Variants in HDAC4 observed in about 807,000 individuals in gnomAD.
The protein encoded by HDAC4 is histone deacetylase 4, also known as histone deacetylase A.
Under a neutral mutation model 135.1 loss-of-function variants are expected in HDAC4, and 16 were observed. The observed-to-expected ratio is 0.12, with a 90% confidence interval of 0.08 to 0.18. The LOEUF is 0.18. HDAC4 is among the 10% of genes least tolerant of loss of function. HDAC4 has a pLI of 1.00. For missense variants in HDAC4, 1,143 were observed against 1,511.8 expected (o/e 0.76, Z 4.05); for synonymous variants, 685 against 653.4 (o/e 1.05, Z -0.74).
In HDAC4 at chr2:239,306,664, G is replaced by A. The variant is rs557234227; in HGVS notation, c.22+46014C>T. Among the ~76,000 whole-genome samples the A allele has an allele frequency of 6.6e-6, 1 of 152,276 alleles. No individual in the cohort carries two copies. Among genetic ancestry groups the A allele is most frequent in the East Asian group, 1.9e-4 (1 of 5,170 alleles). ...CCCTATATGCCCCCCACACTGCCCA[G>A]GTGATGGCAGAACCCAGGTCCTCGG... On this transcript the variant is annotated intron_variant, in intron 2 of 26. Coordinates refer to ENST00000543185, the MANE Select transcript of HDAC4 (RefSeq NM_001378414.1). This position sits in a 1 kb window ranked among gnomAD's most constrained non-coding sequence, Gnocchi z 4.5.
At chr2:239,393,118 C>T (rs1265085038) in intron 1 of HDAC4, among the ~76,000 whole-genome samples, 4 of 152,294 alleles carry the variant, frequency 2.6e-5, no homozygotes, top group East Asian at 3.9e-4. Context: ...CTGGGACCCC[C>T]GGCGTGTGAG....
intron 13 of HDAC4, 76 bp from the exon 14 acceptor site, chr2:239,111,788 C>T (rs1200165134): frequency 1.4e-5 from 19 of 1,369,026 alleles, no homozygotes; most frequent in African/African-American, 2.9e-5. Context: ...GGGTTGCCCT[C>T]TCTTGCAAGT....
rs115505739 is a variant in HDAC4, at chr2:239,082,399, G to T, written c.2533-178C>A. ...CGATTCTGGGGCTGTGTGGGTCAGG[G>T]CTACGTGGTGCAGGGTCGCAGGGGT... On this transcript the variant is annotated intron_variant, in intron 20 of 26. Transcript: ENST00000543185. Among the ~76,000 whole-genome samples, 1,207 of 152,346 alleles carry T rather than the reference G, an allele frequency of 7.9e-3. 13 individuals carry two copies. Among genetic ancestry groups the T allele is most frequent in the African/African-American group, 0.021 (886 of 41,584 alleles).
At position 239,112,826 on chromosome 2, in the gene HDAC4, A is replaced by G. The variant is rs116561597; in HGVS notation, c.1792-1114T>C. Among the ~76,000 whole-genome samples the G allele has an allele frequency of 5.8e-3, 883 of 152,260 alleles. 1 individual carries two copies. Among genetic ancestry groups the G allele is most frequent in the Non-Finnish European group, 8.7e-3 (589 of 68,010 alleles). On this transcript the variant is annotated intron_variant, in intron 13 of 26. Transcript: ENST00000543185. ...TGAACAAATCCTGTGAACATGGAAA[A>G]CCAGGTACCTACATCCCAGCTCCTG...
At chr2:239,212,860 G>T (rs2046417754) in intron 3 of HDAC4, among the ~76,000 whole-genome samples, 1 of 152,204 alleles carries the variant, frequency 6.6e-6, no homozygotes, top group African/African-American at 2.4e-5. Flanking sequence ...CAGTCAACAT[G>T]CCCCGCCCAG....
chr2:239,055,384 C>T (rs1208039989), intron 24 of HDAC4: 1 of 178,696 alleles, frequency 5.6e-6, no homozygotes, highest in South Asian at 1.1e-4. Flanking sequence ...AAGTCAATGA[C>T]AGGGCAACAG....
intron 1 of HDAC4, among the ~76,000 whole-genome samples, chr2:239,359,705 A>G (rs1693738836): frequency 6.6e-6 from 1 of 152,174 alleles, no homozygotes. Context: ...GTGAAGGCTC[A>G]CTGAGAGCCA....
rs547953329 is a variant in HDAC4, at chr2:239,060,922, C to T, written c.3003+5800G>A. 5.9e-5 allele frequency among the ~76,000 whole-genome samples: 9 copies of T among 152,340 alleles called. No homozygotes were observed. In the East Asian group the frequency reaches 1.5e-3, roughly 26 times the overall value. Reference sequence around the variant, plus strand: ...ACATCCCAACACCCAGGTAACAGGGCCCAGAGGGACGGCCCCGCTGTGTGT... The same window carrying T: ...ACATCCCAACACCCAGGTAACAGGGTCCAGAGGGACGGCCCCGCTGTGTGT... On this transcript the variant is annotated intron_variant, in intron 24 of 26. Transcript: ENST00000543185.
chr2:239,136,319 C>G (rs2040953909), intron 9 of HDAC4, among the ~76,000 whole-genome samples: 1 of 152,166 alleles, frequency 6.6e-6, no homozygotes, highest in African/African-American at 2.4e-5. Flanking sequence ...TGGCTTAGTT[C>G]ACTTAACATG....
At chr2:239,335,753 A>G (rs1246605350) in intron 2 of HDAC4, among the ~76,000 whole-genome samples, 1 of 152,238 alleles carries the variant, frequency 6.6e-6, no homozygotes, top group Admixed American at 6.5e-5. Flanking sequence ...TCTGGGAAAT[A>G]CAAATGAAAC....
intron 3 of HDAC4, among the ~76,000 whole-genome samples, chr2:239,211,808 T>C (rs1002103009): frequency 6.6e-6 from 1 of 152,166 alleles, no homozygotes; most frequent in African/African-American, 2.4e-5. Flanking sequence ...CTGCTATAAC[T>C]GATCATGCCT....
chr2:239,057,153 T>A (rs772518537), intron 24 of HDAC4, among the ~76,000 whole-genome samples: 1 of 152,232 alleles, frequency 6.6e-6, no homozygotes, highest in South Asian at 2.1e-4. Context: ...ATGTTCACAG[T>A]AGAAGACGTT....
In HDAC4 at chr2:239,299,446, C is replaced by T. The variant is rs1040282633; in HGVS notation, c.22+53232G>A. Among the ~76,000 whole-genome samples, 2 of 152,218 alleles carry T rather than the reference C, an allele frequency of 1.3e-5. No individual in the cohort carries two copies. Among genetic ancestry groups the T allele is most frequent in the Non-Finnish European group, 2.9e-5 (2 of 68,044 alleles). On this transcript the variant is annotated intron_variant, in intron 2 of 26. Coordinates refer to ENST00000543185, the MANE Select transcript of HDAC4 (RefSeq NM_001378414.1). The surrounding 1 kb of genome is among the most constrained non-coding windows in gnomAD (Gnocchi z 4.0). ...AATCTCAAGCAGATATTCTGATCCC[C>T]TCGCACAACCACGGCACTGGGGTGC...
At chr2:239,271,323 G>T (rs2050047970) in intron 2 of HDAC4, among the ~76,000 whole-genome samples, 1 of 152,170 alleles carries the variant, frequency 6.6e-6, no homozygotes, top group African/African-American at 2.4e-5. Context: ...AAGGGGTTTT[G>T]CCATGTTGCC....
chr2:239,190,220 CT>C lies in HDAC4; in HGVS notation c.95-144del, dbSNP rs1388867083. ...TTGAGGATTGGATACCCCTCTCCCC[CT>C]GTCCCCCTCTTGCCCAACAAACTCA... On this transcript the variant is annotated intron_variant, in intron 3 of 26. Transcript: ENST00000543185. 6 of 1,147,720 alleles carry C rather than the reference CT, an allele frequency of 5.2e-6. No individual in the cohort carries two copies. In the South Asian group the frequency reaches 6.4e-5, roughly 12 times the overall value. The allele number at this position is 1,147,720 out of a possible 1,614,324, so 71.1% of individuals were successfully genotyped here.
chr2:239,341,289 T>G (rs930823746), intron 2 of HDAC4, among the ~76,000 whole-genome samples: 2 of 152,236 alleles, frequency 1.3e-5, no homozygotes, highest in Admixed American at 1.3e-4. Flanking sequence ...ACAGCCACAT[T>G]GAGACTGCAG....
In HDAC4 at chr2:239,117,107, T is replaced by C. The variant is rs569162422; in HGVS notation, c.1534-1797A>G. 4.6e-5 allele frequency among the ~76,000 whole-genome samples: 7 copies of C among 152,224 alleles called. No homozygotes were observed. The South Asian group carries it at 1.5e-3, about 32-fold the overall frequency. On this transcript the variant is annotated intron_variant, in intron 12 of 26. Transcript: ENST00000543185. ...GCAAATGCAAGGGGTGTCCGCGTAG[T>C]GGGGCAAAGTGGAACAGGGTGTATG...
intron 3 of HDAC4, among the ~76,000 whole-genome samples, chr2:239,224,432 T>A (rs182525749): frequency 1.3e-5 from 2 of 152,194 alleles, no homozygotes; most frequent in Non-Finnish European, 2.9e-5. Context: ...CTCAAAGCCA[T>A]GCCTAATTGA....
intron 21 of HDAC4, 69 bp downstream of exon 21, chr2:239,082,033 C>G: frequency 1.3e-6 from 2 of 1,539,206 alleles, no homozygotes; most frequent in Non-Finnish European, 1.8e-6. Flanking sequence ...GGACCGTCTG[C>G]CCCGTGCCCC....
Sources: allele counts gnomAD v4.1 joint callset (sites outside exome capture counted in the v4.1 genomes callset), GRCh38; gene constraint gnomAD v4.1.1; non-coding constraint Gnocchi (gnomAD v3.1); transcripts MANE v1.5; gene names NCBI Gene and HGNC (gene_info 2026-07-23, HGNC 2026-07-21).